Variants in GAP43 observed in about 807,000 individuals in gnomAD.
GAP43 encodes growth associated protein 43, also known as neuromodulin.
GAP43 carries 6 observed loss-of-function variants against 18.6 expected under a neutral mutation model. The ratio of observed to expected loss-of-function variants is 0.32; its 90% CI spans 0.18 to 0.64. The LOEUF is 0.64. Ranked by LOEUF, GAP43 falls within the 30% of genes least tolerant of loss-of-function variation. The pLI, the probability that GAP43 is intolerant of heterozygous loss-of-function variation, is 0.78. For synonymous variants in GAP43, 115 were observed against 111.4 expected, an observed-to-expected ratio of 1.03 and a Z score of -0.20; for missense variants, 292 against 295.5, an observed-to-expected ratio of 0.99 and a Z score of 0.09.
chr3:115,685,827 C>T (rs1003517481), intron 2 of GAP43, among the ~76,000 whole-genome samples: 1 of 152,160 alleles, frequency 6.6e-6, no homozygotes, highest in Non-Finnish European at 1.5e-5. Context: ...TTTCCTCCTT[C>T]CTCTTCCTTT....
At chr3:115,632,599 A>G (rs1183776301) in intron 1 of GAP43, among the ~76,000 whole-genome samples, 1 of 152,166 alleles carries the variant, frequency 6.6e-6, no homozygotes, top group Admixed American at 6.6e-5. Flanking sequence ...AACCAAAGAA[A>G]CTGAGTTTTT....
intron 1 of GAP43, among the ~76,000 whole-genome samples, chr3:115,631,821 A>G (rs972286905): frequency 6.6e-6 from 1 of 152,088 alleles, no homozygotes; most frequent in Non-Finnish European, 1.5e-5. Flanking sequence ...AGGTTTCACC[A>G]TGTTGCCCAG....
At position 115,676,192 on chromosome 3, in the gene GAP43, T is replaced by C. The variant is rs1708881910; in HGVS notation, c.210T>C (p.Asp70=). Residue 70 remains aspartate (D), a synonymous_variant, in exon 2 of 3, where the codon GAT becomes GAC. Transcript: ENST00000305124. ...QAAEAEANKK[D]EAPVADGVEK... The stretch of plus-strand genomic sequence containing the variant: ...CTGAGGCTGAAGCTAATAAGAAGGA[T>C]GAAGCCCCTGTTGCCGATGGGGTGG... 6.2e-7 allele frequency: 1 copy of C among 1,614,042 alleles called. No homozygotes were observed. The highest frequency in any genetic ancestry group is 1.7e-5 in the Admixed American group (1 of 60,008).
chr3:115,719,631 AGAC>A (rs1284414847), intron 2 of GAP43, among the ~76,000 whole-genome samples: 2 of 152,238 alleles, frequency 1.3e-5, no homozygotes, highest in Non-Finnish European at 2.9e-5. Flanking sequence ...CATGGGGAGA[AGAC>A]TCTTAGAAAT....
chr3:115,650,782 C>T (rs182325762), intron 1 of GAP43, among the ~76,000 whole-genome samples: 52 of 152,172 alleles, frequency 3.4e-4, no homozygotes, highest in African/African-American at 1.2e-3. Context: ...TCTTTTCTTA[C>T]TCTAGTCTTA....
chr3:115,634,324 C>T (rs1276154311), intron 1 of GAP43, among the ~76,000 whole-genome samples: 5 of 152,042 alleles, frequency 3.3e-5, no homozygotes, highest in Admixed American at 6.6e-5. Flanking sequence ...GCTTTGATTC[C>T]GGAACCAATT....
At chr3:115,643,935 A>T (rs1258251256) in intron 1 of GAP43, among the ~76,000 whole-genome samples, 1 of 152,082 alleles carries the variant, frequency 6.6e-6, no homozygotes, top group African/African-American at 2.4e-5. Flanking sequence ...TTATATTCAG[A>T]AGTAATAATA....
intron 1 of GAP43, among the ~76,000 whole-genome samples, chr3:115,661,787 A>C (rs1457147610): frequency 6.8e-6 from 1 of 146,430 alleles, no homozygotes; most frequent in African/African-American, 2.6e-5. Flanking sequence ...CGCACCCAGC[A>C]ATATGACTTT....
intron 1 of GAP43, among the ~76,000 whole-genome samples, chr3:115,634,496 C>G (rs1708304729): frequency 6.6e-6 from 1 of 152,072 alleles, no homozygotes; most frequent in Admixed American, 6.6e-5. Flanking sequence ...AAAAAATTGA[C>G]TGGATATGGT....
intron 1 of GAP43, among the ~76,000 whole-genome samples, chr3:115,624,600 G>C (rs1490377347): frequency 6.6e-6 from 1 of 152,088 alleles, no homozygotes; most frequent in Non-Finnish European, 1.5e-5. Flanking sequence ...ATCAGGAAGA[G>C]GGACACATCC....
intron 1 of GAP43, among the ~76,000 whole-genome samples, chr3:115,655,448 G>A (rs1373588475): frequency 6.6e-6 from 1 of 152,110 alleles, no homozygotes; most frequent in Non-Finnish European, 1.5e-5. Context: ...ACAACACTAA[G>A]GTCAGCTTAT....
chr3:115,689,704 G>A (rs1401918766), intron 2 of GAP43, among the ~76,000 whole-genome samples: 2 of 152,122 alleles, frequency 1.3e-5, no homozygotes, highest in Admixed American at 1.3e-4. Flanking sequence ...GAACAAGGTG[G>A]GGATGTGGAT....
At chr3:115,676,636 A>G in intron 2 of GAP43, 26 bp downstream of exon 2, 2 of 1,533,388 alleles carry the variant, frequency 1.3e-6, no homozygotes, top group African/African-American at 1.4e-5. Flanking sequence ...GGTCAGATGC[A>G]ATGGGTGGAT....
chr3:115,715,759 G>T (rs1709495045), intron 2 of GAP43, among the ~76,000 whole-genome samples: 7 of 152,136 alleles, frequency 4.6e-5, no homozygotes, highest in Admixed American at 4.6e-4. Context: ...GCTTTTAATG[G>T]TACAATTTTT....
At chr3:115,691,817 G>A (rs1016425388) in intron 2 of GAP43, among the ~76,000 whole-genome samples, 1 of 152,164 alleles carries the variant, frequency 6.6e-6, no homozygotes, top group African/African-American at 2.4e-5. Flanking sequence ...TGATGTTAGG[G>A]TTAATTTGGG....
At chr3:115,637,227 G>A (rs577222808) in intron 1 of GAP43, among the ~76,000 whole-genome samples, 8 of 152,110 alleles carry the variant, frequency 5.3e-5, no homozygotes, top group African/African-American at 1.9e-4. Context: ...GCGTTTTTAT[G>A]TACCTGATTC....
At chr3:115,681,443 G>T (rs140424839) in intron 2 of GAP43, among the ~76,000 whole-genome samples, 1 of 152,072 alleles carries the variant, frequency 6.6e-6, no homozygotes, top group Non-Finnish European at 1.5e-5. Flanking sequence ...GTGATCTGAT[G>T]CTTTTGGGAA....
In GAP43 at chr3:115,688,107, C is replaced by G. The variant is rs1709058419; in HGVS notation, c.628+11497C>G. ...TCTTGGCTCACCGCAACCTCCGCCT[C>G]CCGGGTTCAACCGATTATCCTGCCT... is the stretch of plus-strand genomic sequence containing the variant. On this transcript the variant is annotated intron_variant, in intron 2 of 2. Coordinates refer to ENST00000305124, the MANE Select transcript of GAP43 (RefSeq NM_002045.4). 2.0e-5 allele frequency among the ~76,000 whole-genome samples: 3 copies of G among 152,082 alleles called. No homozygotes were observed. In the South Asian group the frequency reaches 6.2e-4, roughly 32 times the overall value.
chr3:115,624,084 C>A (rs558998665), intron 1 of GAP43, among the ~76,000 whole-genome samples: 3 of 105,514 alleles, frequency 2.8e-5, no homozygotes, highest in African/African-American at 4.0e-5. Context: ...GGAGGCATTT[C>A]TTTATATTAT....
Sources: allele counts gnomAD v4.1 joint callset (sites outside exome capture counted in the v4.1 genomes callset), GRCh38; gene constraint gnomAD v4.1.1; transcripts MANE v1.5; gene names NCBI Gene and HGNC (gene_info 2026-07-23, HGNC 2026-07-21).